FMN1: variants seen among roughly 807,000 people sequenced by gnomAD.
FMN1 encodes the protein formin 1.
FMN1 carries 110 observed loss-of-function variants against 132.4 expected under a neutral mutation model. That is an observed-to-expected ratio of 0.83 (90% CI 0.71 to 0.97). The LOEUF is 0.97. Among genes scored for constraint, FMN1 ranks in the 50% least tolerant of loss-of-function variants. The probability of loss-of-function intolerance (pLI) is 0.00; values close to 1 mark genes in which losing one functional copy is unlikely to be tolerated. For missense variants in FMN1, 1,792 were observed against 1,705.3 expected (o/e 1.05, Z -0.90); for synonymous variants, 722 against 651.7 (o/e 1.11, Z -1.64).
chr15:32,804,174 AAT>A (rs780667604), intron 18 of FMN1, 105 bp downstream of exon 18: 1 of 804,302 alleles, frequency 1.2e-6, no homozygotes. Context: ...GGGAAGTAAA[AAT>A]GTTTTGGAGA....
At chr15:33,186,846 T>G (rs1315492670) in intron 2 of FMN1, among the ~76,000 whole-genome samples, 1 of 152,242 alleles carries the variant, frequency 6.6e-6, no homozygotes, top group Non-Finnish European at 1.5e-5. Context: ...AGTGGCCTCC[T>G]GCATCAGGCT....
In FMN1 at chr15:32,783,744, C is replaced by CAAAAAAAAA. The variant is rs533699379; in HGVS notation, c.4131-6834_4131-6826dup. ...TGGGCGACAGAGCGAGACTCTGTTT[C>CAAAAAAAAA]AAAAAAAAAAAAAAAAAAAAAAAAA... On this transcript the variant is annotated intron_variant, in intron 19 of 20. Transcript: ENST00000616417. Among the ~76,000 whole-genome samples, 4 of 64,202 alleles carry CAAAAAAAAA rather than the reference C, an allele frequency of 6.2e-5. 1 individual carries two copies. Among genetic ancestry groups the CAAAAAAAAA allele is most frequent in the East Asian group, 1.1e-3 (2 of 1,866 alleles). 42.1% of individuals were successfully genotyped at this position (64,202 alleles called of 152,430 possible).
At chr15:33,076,929 T>A (rs546084687) in intron 5 of FMN1, among the ~76,000 whole-genome samples, 1 of 152,182 alleles carries the variant, frequency 6.6e-6, no homozygotes, top group Non-Finnish European at 1.5e-5. Context: ...TTGATCCTAA[T>A]ACCCACATGA....
intron 4 of FMN1, among the ~76,000 whole-genome samples, chr15:33,092,943 T>C (rs891007830): frequency 3.9e-5 from 6 of 152,326 alleles, no homozygotes; most frequent in South Asian, 2.1e-4. Flanking sequence ...CATACCAAGA[T>C]TCATGCACAA....
At chr15:32,880,815 C>T (rs1196240521) in intron 16 of FMN1, among the ~76,000 whole-genome samples, 1 of 152,156 alleles carries the variant, frequency 6.6e-6, no homozygotes, top group East Asian at 1.9e-4. Context: ...GTGTGTAATC[C>T]ATCCCCACAT....
At chr15:33,044,035 A>T (rs542237130) in intron 6 of FMN1, among the ~76,000 whole-genome samples, 1 of 152,302 alleles carries the variant, frequency 6.6e-6, no homozygotes, top group African/African-American at 2.4e-5. Flanking sequence ...CACCTGCTCT[A>T]ATCTCAGTGC....
intron 4 of FMN1, chr15:33,105,880 G>C (rs2039465817): frequency 6.6e-6 from 1 of 152,062 alleles, no homozygotes; most frequent in Non-Finnish European, 1.5e-5. Flanking sequence ...TCTCATTACT[G>C]TCTGAGCTTG....
chr15:32,944,655 G>C (rs951870625), intron 9 of FMN1, among the ~76,000 whole-genome samples: 1 of 151,882 alleles, frequency 6.6e-6, no homozygotes, highest in African/African-American at 2.4e-5. Flanking sequence ...GAACGTATTT[G>C]GCACCCCATC....
At chr15:32,843,135 G>A (rs373611735) in intron 17 of FMN1, among the ~76,000 whole-genome samples, 9 of 143,764 alleles carry the variant, frequency 6.3e-5, no homozygotes, top group Admixed American at 6.9e-5. Flanking sequence ...CTCAAAAAGA[G>A]AAAAAAAAAA....
At chr15:33,109,071 AC>A (rs1319987231) in intron 4 of FMN1, among the ~76,000 whole-genome samples, 3 of 152,110 alleles carry the variant, frequency 2.0e-5, no homozygotes, top group Non-Finnish European at 4.4e-5. Flanking sequence ...ACCATTTATA[AC>A]CTATTTCTTC....
intron 16 of FMN1, among the ~76,000 whole-genome samples, chr15:32,867,988 AAATAAATG>A (rs1287188760): frequency 6.6e-6 from 1 of 152,234 alleles, no homozygotes; most frequent in Non-Finnish European, 1.5e-5. Context: ...GGTATTTGCT[AAATAAATG>A]AATAAACTAC....
intron 4 of FMN1, among the ~76,000 whole-genome samples, chr15:33,141,044 C>G (rs1963989713): frequency 6.6e-6 from 1 of 152,138 alleles, no homozygotes; most frequent in Admixed American, 6.5e-5. Flanking sequence ...GATTTCTTTA[C>G]AAATGTTGGA....
At chr15:32,899,806 ACTCTTTATTCG>A in intron 14 of FMN1, 162 bp downstream of exon 14, 2 of 707,896 alleles carry the variant, frequency 2.8e-6, no homozygotes, top group African/African-American at 1.8e-5. Context: ...ACCAAACAAA[ACTCTTTATTCG>A]AAAGTGAAAA....
chr15:32,829,458 A>C (rs969277262), intron 17 of FMN1, among the ~76,000 whole-genome samples: 7 of 152,202 alleles, frequency 4.6e-5, no homozygotes, highest in African/African-American at 9.6e-5. Flanking sequence ...CAAAGATTGG[A>C]AAATTTCCTC....
chr15:32,941,671 G>C (rs1262793463), intron 9 of FMN1, among the ~76,000 whole-genome samples: 1 of 152,006 alleles, frequency 6.6e-6, no homozygotes, highest in Non-Finnish European at 1.5e-5. Flanking sequence ...AGTATTAAGA[G>C]ACTTTTGGCA....
At chr15:33,034,448 G>C (rs1024330895) in intron 6 of FMN1, among the ~76,000 whole-genome samples, 2 of 152,036 alleles carry the variant, frequency 1.3e-5, no homozygotes, top group Non-Finnish European at 2.9e-5. Context: ...ATAGTGTCAT[G>C]CGCCTGTAGT....
intron 7 of FMN1, among the ~76,000 whole-genome samples, chr15:32,988,049 G>GTTTTTTTTTTTTTTTTTTTTTTTTTTTTT (rs10573409): frequency 8.5e-6 from 1 of 118,164 alleles, no homozygotes. Context: ...TGTCTCTCCA[G>GTTTTTTTTTTTTTTTTTTTTTTTTTTTTT]TTTTTTTTTT....
At chr15:33,003,149 G>A (rs1038000839) in intron 7 of FMN1, among the ~76,000 whole-genome samples, 1 of 152,214 alleles carries the variant, frequency 6.6e-6, no homozygotes, top group African/African-American at 2.4e-5. Flanking sequence ...ACAAGACAGG[G>A]ATGCCCTCTC....
chr15:33,030,197 A>C (rs1169748181), intron 6 of FMN1, among the ~76,000 whole-genome samples: 1 of 152,208 alleles, frequency 6.6e-6, no homozygotes, highest in Non-Finnish European at 1.5e-5. Flanking sequence ...TGTTAAGTAA[A>C]TATAAGAGCC....
Sources: allele counts gnomAD v4.1 joint callset (sites outside exome capture counted in the v4.1 genomes callset), GRCh38; gene constraint gnomAD v4.1.1; transcripts MANE v1.5; gene names NCBI Gene and HGNC (gene_info 2026-07-23, HGNC 2026-07-21).